ADAMTS17: variants seen among roughly 807,000 people sequenced by gnomAD.
The protein encoded by ADAMTS17 is ADAM metallopeptidase with thrombospondin type 1 motif 17.
ADAMTS17 carries 113 observed loss-of-function variants against 141.5 expected under a neutral mutation model. The observed-to-expected ratio is 0.80, with a 90% CI of 0.69 to 0.93. The LOEUF is 0.93. Ranked by LOEUF, ADAMTS17 falls within the 40% of genes least tolerant of loss-of-function variation. The pLI, the probability that ADAMTS17 is intolerant of heterozygous loss-of-function variation, is 0.00. For missense variants in ADAMTS17, 1,659 were observed against 1,517.9 expected (o/e 1.09, Z -1.54); for synonymous variants, 768 against 630.6 (o/e 1.22, Z -3.27).
chr15:100,082,725 TTA>T (rs1251669094), intron 15 of ADAMTS17, among the ~76,000 whole-genome samples: 1 of 151,904 alleles, frequency 6.6e-6, no homozygotes. Context: ...CAAATAGTTA[TTA>T]GAGAACTTAT....
At chr15:100,055,882 G>A (rs1019035440) in intron 15 of ADAMTS17, among the ~76,000 whole-genome samples, 9 of 152,144 alleles carry the variant, frequency 5.9e-5, no homozygotes, top group African/African-American at 1.9e-4. Flanking sequence ...AGGCAATGGG[G>A]GCAGAGAGAA....
chr15:100,000,520 C>T (rs368066528), intron 18 of ADAMTS17, among the ~76,000 whole-genome samples: 1 of 152,040 alleles, frequency 6.6e-6, no homozygotes, highest in South Asian at 2.1e-4. Context: ...CCACTATCTT[C>T]TTTATTTTTT....
intron 17 of ADAMTS17, among the ~76,000 whole-genome samples, chr15:100,051,132 T>C (rs1318367041): frequency 6.6e-6 from 1 of 152,198 alleles, no homozygotes; most frequent in East Asian, 1.9e-4. Flanking sequence ...TCACCCGACT[T>C]GCAGGACTTT....
At chr15:100,311,829 GA>G (rs112467336) in intron 3 of ADAMTS17, among the ~76,000 whole-genome samples, 18,883 of 144,438 alleles carry the variant, frequency 0.13, 1,221 homozygotes, top group Non-Finnish European at 0.15. Flanking sequence ...AGTGAAAAAG[GA>G]AAAAAAAAAA....
intron 4 of ADAMTS17, among the ~76,000 whole-genome samples, chr15:100,269,679 T>A (rs543972564): frequency 6.6e-6 from 1 of 152,114 alleles, no homozygotes; most frequent in African/African-American, 2.4e-5. Context: ...AGTCAGGAGA[T>A]GTTCTTGGGA....
At chr15:100,334,153 C>G (rs2046136699) in intron 2 of ADAMTS17, among the ~76,000 whole-genome samples, 1 of 152,176 alleles carries the variant, frequency 6.6e-6, no homozygotes, top group South Asian at 2.1e-4. Context: ...GCCACACCAC[C>G]TCGTGCCTGA....
Position 100,048,755 on chromosome 15 carries a change from A to C in ADAMTS17, c.2591+102T>G, listed in dbSNP as rs1175178523. The stretch of plus-strand genomic sequence containing the variant: ...CTCATCAACAATAACGGAACACAGC[A>C]TAGAGCAGTACTGTGGCATTAACTG... On this transcript the variant is annotated intron_variant, in intron 18 of 21. Coordinates refer to ENST00000268070, the MANE Select transcript of ADAMTS17 (RefSeq NM_139057.4). 20 of 1,537,908 alleles carry C rather than the reference A, an allele frequency of 1.3e-5. No individual in the cohort carries two copies. The South Asian group carries it at 2.2e-4, about 17-fold the overall frequency.
intron 18 of ADAMTS17, among the ~76,000 whole-genome samples, chr15:100,033,224 G>C (rs1567697366): frequency 6.6e-6 from 1 of 152,188 alleles, no homozygotes; most frequent in East Asian, 1.9e-4. Context: ...TGAAGATTCT[G>C]TTGGTACAAT....
rs1344048383 is a variant in ADAMTS17 at position 99,971,488 on chromosome 15, G to GATTA, written c.*2910_*2913dup. 2.6e-5 allele frequency: 4 copies of GATTA among 152,188 alleles called. No individual in the cohort carries two copies. Among genetic ancestry groups the GATTA allele is most frequent in the African/African-American group, 9.7e-5 (4 of 41,450 alleles). 9.4% of individuals were successfully genotyped at this position (152,188 alleles called of 1,614,324 possible). On this transcript the variant is annotated 3_prime_UTR_variant, in exon 22 of 22. Coordinates refer to ENST00000268070, the MANE Select transcript of ADAMTS17 (RefSeq NM_139057.4). ...ATATTCAACTTGCTTCCAATGAAATGATTAATTTTTCTATATAATTTTCAT... is the reference window on the plus strand; with the variant it reads ...ATATTCAACTTGCTTCCAATGAAATGATTAATTAATTTTTCTATATAATTTTCAT...
In ADAMTS17 at chr15:100,284,974, C is replaced by T. The variant is rs544802266; in HGVS notation, c.617-3573G>A. ...TGCTGTGGGAATGAAGGGTGGCTCT[C>T]GCCCCGCTGATGAGGACATCGCAGT... On this transcript the variant is annotated intron_variant, in intron 3 of 21. Coordinates refer to ENST00000268070, the MANE Select transcript of ADAMTS17 (RefSeq NM_139057.4). Among the ~76,000 whole-genome samples, 18 of 152,284 alleles carry T rather than the reference C, an allele frequency of 1.2e-4. No homozygotes were observed. The South Asian group carries it at 1.7e-3, about 14-fold the overall frequency.
intron 8 of ADAMTS17, among the ~76,000 whole-genome samples, chr15:100,180,503 G>C (rs918396045): frequency 6.6e-6 from 1 of 152,004 alleles, no homozygotes; most frequent in East Asian, 1.9e-4. Flanking sequence ...GCTATTTTGG[G>C]TCTTTTATGG....
intron 14 of ADAMTS17, among the ~76,000 whole-genome samples, chr15:100,106,550 T>C (rs1018114069): frequency 3.9e-5 from 6 of 152,188 alleles, no homozygotes; most frequent in Non-Finnish European, 8.8e-5. Flanking sequence ...TTGGCACAGA[T>C]CGCACAGAGC....
chr15:100,024,647 C>CGATGCTTTACATTTGTG (rs1490356380), intron 18 of ADAMTS17, among the ~76,000 whole-genome samples: 1 of 152,126 alleles, frequency 6.6e-6, no homozygotes, highest in East Asian at 1.9e-4. Context: ...TCTCTAGTGA[C>CGATGCTTTACATTTGTG]GATGCTTTAC....
At chr15:99,994,178 G>C (rs1343001472) in intron 19 of ADAMTS17, among the ~76,000 whole-genome samples, 1 of 152,196 alleles carries the variant, frequency 6.6e-6, no homozygotes, top group African/African-American at 2.4e-5. Flanking sequence ...TGGGAGCCCT[G>C]TCCCTGACAC....
chr15:100,069,604 A>C (rs910382259), intron 15 of ADAMTS17, among the ~76,000 whole-genome samples: 1 of 152,200 alleles, frequency 6.6e-6, no homozygotes, highest in Non-Finnish European at 1.5e-5. Context: ...TTCTTAAAGA[A>C]AGGAATTTTC....
intron 6 of ADAMTS17, among the ~76,000 whole-genome samples, chr15:100,260,322 C>G (rs1261635729): frequency 6.6e-6 from 1 of 152,052 alleles, no homozygotes; most frequent in Non-Finnish European, 1.5e-5. Flanking sequence ...AGATTTAACT[C>G]TTTGTGGATG....
intron 8 of ADAMTS17, among the ~76,000 whole-genome samples, chr15:100,183,070 C>G (rs1030121527): frequency 6.6e-6 from 1 of 152,164 alleles, no homozygotes; most frequent in Non-Finnish European, 1.5e-5. Flanking sequence ...CTCACTGCAA[C>G]TTCCACCTCC....
chr15:100,227,383 A>T (rs1479459670), intron 7 of ADAMTS17, among the ~76,000 whole-genome samples: 1 of 152,008 alleles, frequency 6.6e-6, no homozygotes, highest in Non-Finnish European at 1.5e-5. Flanking sequence ...TTCCACCTCC[A>T]ATTCATTACT....
At chr15:100,190,123 C>T (rs1016923836) in intron 8 of ADAMTS17, among the ~76,000 whole-genome samples, 4 of 152,240 alleles carry the variant, frequency 2.6e-5, no homozygotes, top group Non-Finnish European at 5.9e-5. Flanking sequence ...CCTACTCATG[C>T]TTCCAGCGAC....
Sources: allele counts gnomAD v4.1 joint callset (sites outside exome capture counted in the v4.1 genomes callset), GRCh38; gene constraint gnomAD v4.1.1; transcripts MANE v1.5; gene names NCBI Gene and HGNC (gene_info 2026-07-23, HGNC 2026-07-21).